The following AKAP17A variants were observed in gnomAD, a reference collection of about 807,000 sequenced individuals.
AKAP17A encodes the protein A-kinase anchor protein 17A.
Under a neutral mutation model 52.2 loss-of-function variants are expected in AKAP17A, and 15 were observed. The observed-to-expected ratio is 0.29, with a 90% CI of 0.19 to 0.44. AKAP17A has a LOEUF of 0.44. Ranked by LOEUF, AKAP17A falls within the 20% of genes least tolerant of loss-of-function variation. AKAP17A has a pLI of 1.00. For synonymous variants in AKAP17A, 514 were observed against 424.7 expected (o/e 1.21, Z -2.58); for missense variants, 1,060 against 1,007.0 (o/e 1.05, Z -0.71).
intron 3 of AKAP17A, among the ~76,000 whole-genome samples, chrX:1,596,156 T>C (rs1404105657): frequency 6.6e-6 from 1 of 150,982 alleles, no homozygotes; most frequent in African/African-American, 2.4e-5. Context: ...CTTGGCTGTT[T>C]GCAAGTTTGC....
At chrX:1,595,860 G>A (rs1296860850) in intron 3 of AKAP17A, among the ~76,000 whole-genome samples, 1 of 152,016 alleles carries the variant, frequency 6.6e-6, no homozygotes, top group Non-Finnish European at 1.5e-5. Context: ...TCGGCACATA[G>A]CACACATGTG....
At chrX:1,597,879 G>A (rs1409634082) in intron 3 of AKAP17A, among the ~76,000 whole-genome samples, 6 of 152,018 alleles carry the variant, frequency 3.9e-5, no homozygotes, top group African/African-American at 7.2e-5. Context: ...CCAGAGCCCC[G>A]GGGAGGGGCA....
intron 4 of AKAP17A, 35 bp downstream of exon 4, chrX:1,599,467 G>A (rs58902273): frequency 0.5 from 775,851 of 1,551,408 alleles, 196,140 homozygotes; most frequent in Middle Eastern, 0.63. Flanking sequence ...CGCCAGCCGC[G>A]CCCGGGCTGC....
rs183398557 is a variant in AKAP17A, at chrX:1,593,329, G to A, written c.-19-115G>A. ...GGAAACCGGTCTCTGACACGGCAGA[G>A]AGACACTGCTGTTTCTCTTCTCCGG... On this transcript the variant is annotated intron_variant, in intron 1 of 4. Coordinates refer to ENST00000313871, the MANE Select transcript of AKAP17A (RefSeq NM_005088.3). The A allele has an allele frequency of 1.7e-4, 177 of 1,016,730 alleles. 1 individual carries two copies. The African/African-American group carries it at 2.3e-3, about 13-fold the overall frequency. 63.0% of individuals were successfully genotyped at this position (1,016,730 alleles called of 1,614,324 possible).
At position 1,594,610 on chromosome X, in the gene AKAP17A, T is replaced by C. The variant is rs781594083; in HGVS notation, c.762+386T>C. On this transcript the variant is annotated intron_variant, in intron 2 of 4. Transcript: ENST00000313871. ...GCCTCATGTGCTTTTTTATTTTTTT[T>C]ATTTTTTTTATTTTTATTTTTTTTT... Among the ~76,000 whole-genome samples the C allele has an allele frequency of 9.2e-5, 14 of 152,142 alleles. No individual in the cohort carries two copies. The South Asian group carries it at 2.9e-3, about 32-fold the overall frequency.
chrX:1,599,103 G>C (rs1356203909), intron 3 of AKAP17A, 89 bp from the exon 4 acceptor site: 70 of 1,549,492 alleles, frequency 4.5e-5, no homozygotes, highest in Non-Finnish European at 5.6e-5. Context: ...ACCGTGGCCT[G>C]TTCCGCCGTG....
In AKAP17A at chrX:1,600,930, C is replaced by T. The variant is rs1454939797; in HGVS notation, c.1424C>T (p.Ser475Leu). 5.7e-6 allele frequency: 9 copies of T among 1,576,480 alleles called. No individual in the cohort carries two copies. The highest frequency in any genetic ancestry group is 3.7e-5 in the Admixed American group (2 of 54,296). Residue 475 changes from serine (S) to leucine (L), a missense_variant, in exon 5 of 5, where the codon TCG becomes TTG. By Grantham distance (145) the Ser-to-Leu change is moderately radical. Transcript: ENST00000313871. ...QPVLDILQTV[S>L]SGCVSATTLH... ...GTCCTGGACATCCTGCAGACCGTGTCGTCCGGCTGTGTGAGCGCCACCACG... is the reference window on the plus strand; with the variant it reads ...GTCCTGGACATCCTGCAGACCGTGTTGTCCGGCTGTGTGAGCGCCACCACG...
In AKAP17A at chrX:1,600,383, G is replaced by T. The variant is rs766822790; in HGVS notation, c.1153-276G>T. On this transcript the variant is annotated intron_variant, in intron 4 of 4. Transcript: ENST00000313871. ...CGGCAGGGCTCGGCTCTGCCCAAGA[G>T]GCCCGCCCTGGGGCTGCGCCGAGCC... 73 of 621,834 alleles carry T rather than the reference G, an allele frequency of 1.2e-4. 1 individual carries two copies. In the East Asian group the frequency reaches 2.1e-3, roughly 18 times the overall value. The allele number at this position is 621,834 out of a possible 1,614,324, so 38.5% of individuals were successfully genotyped here.
rs188716459 is a variant in AKAP17A at position 1,593,978 on chromosome X, C to A, written c.516C>A (p.Asp172Glu). The A allele has an allele frequency of 6.2e-7, 1 of 1,601,128 alleles. No individual in the cohort carries two copies. Among genetic ancestry groups the A allele is most frequent in the East Asian group, 2.2e-5 (1 of 44,730 alleles). ...KESGSEKPSE[D>E]VLVKVFEKFG... ...CGGGCTCCGAGAAGCCCAGCGAGGA[C>A]GTCCTGGTCAAGGTGTTTGAGAAGT... Residue 172 changes from aspartate (D) to glutamate (E), a missense_variant, in exon 2 of 5, where the codon GAC (aspartate) becomes GAA (glutamate). Asp to Glu is a conservative substitution (Grantham distance 45). Transcript: ENST00000313871.
intron 3 of AKAP17A, among the ~76,000 whole-genome samples, chrX:1,597,411 G>C (rs1603460167): frequency 6.6e-6 from 1 of 152,206 alleles, no homozygotes; most frequent in Admixed American, 6.5e-5. Flanking sequence ...GACGCCCTGG[G>C]AGGGAGGGAC....
chrX:1,593,759 G>A lies in AKAP17A; in HGVS notation c.297G>A (p.Lys99=). ...VKSFLACLDG[K]TIKLSGFSDI... ...CTTTTCTGGCCTGCCTGGACGGCAA[G>A]ACCATCAAGCTCAGCGGCTTCTCCG... Residue 99 remains lysine, a synonymous_variant, in exon 2 of 5, where the codon AAG becomes AAA. Coordinates refer to ENST00000313871, the MANE Select transcript of AKAP17A (RefSeq NM_005088.3). 4.3e-6 allele frequency: 7 copies of A among 1,613,956 alleles called. No homozygotes were observed. Among genetic ancestry groups the A allele is most frequent in the Non-Finnish European group, 5.9e-6 (7 of 1,179,872 alleles).
intron 4 of AKAP17A, chrX:1,600,350 G>A: frequency 1.5e-6 from 1 of 661,144 alleles, no homozygotes; most frequent in South Asian, 1.8e-5. Flanking sequence ...GCAACGTGGT[G>A]GGGCTCCCGG....
At chrX:1,595,770 T>G (rs1221262346) in intron 3 of AKAP17A, among the ~76,000 whole-genome samples, 1 of 152,016 alleles carries the variant, frequency 6.6e-6, no homozygotes, top group African/African-American at 2.4e-5. Context: ...CGTGTGCCTG[T>G]GTGTGCGTGC....
chrX:1,592,567 C>G (rs1378488444), intron 1 of AKAP17A, among the ~76,000 whole-genome samples: 1 of 152,102 alleles, frequency 6.6e-6, no homozygotes, highest in Non-Finnish European at 1.5e-5. Context: ...CGCTTCTCCA[C>G]CCTCCCTCCC....
Position 1,594,009 on chromosome X carries a change from G to A in AKAP17A, c.547G>A (p.Glu183Lys). 1 of 1,605,708 alleles carries A rather than the reference G, an allele frequency of 6.2e-7. No individual in the cohort carries two copies. Among genetic ancestry groups the A allele is most frequent in the Non-Finnish European group, 8.5e-7 (1 of 1,175,214 alleles). Reference sequence around the variant, plus strand: ...GGTCAAGGTGTTTGAGAAGTTCGGGGAGATCCGGAATGTGGACATCCCCAT... The same window carrying A: ...GGTCAAGGTGTTTGAGAAGTTCGGGAAGATCCGGAATGTGGACATCCCCAT... ...VLVKVFEKFG[E>K]IRNVDIPMLD... The change falls in exon 2 of 5, where the codon GAG (glutamate) becomes AAG (lysine). Residue 183 changes from glutamate to lysine, a missense_variant. By Grantham distance (56) the Glu-to-Lys change is moderately conservative (BLOSUM62 1). This residue lies in a region of AKAP17A where 267 missense variants were observed against 377.1 expected (regional missense o/e 0.71). Coordinates refer to ENST00000313871, the MANE Select transcript of AKAP17A (RefSeq NM_005088.3).
At position 1,596,773 on chromosome X, in the gene AKAP17A, TCC is replaced by T. The variant is rs1378197397; in HGVS notation, c.911+1242_911+1243del. ...TAGTGAGGTGGATTCCTCCTCCTCC[TCC>T]TCTTCCTCCTCCATCCCTCCCGCTG... On this transcript the variant is annotated intron_variant, in intron 3 of 4. Transcript: ENST00000313871. 1.0e-4 allele frequency among the ~76,000 whole-genome samples: 8 copies of T among 76,396 alleles called. 2 individuals carry two copies. Among genetic ancestry groups the T allele is most frequent in the African/African-American group, 1.8e-4 (3 of 16,780 alleles). The allele number at this position is 76,396 out of a possible 152,430, so 50.1% of individuals were successfully genotyped here. A position where few individuals can be genotyped will look rare whatever the true frequency, so the allele number is the denominator to read the frequency against.
chrX:1,600,527 G>A, intron 4 of AKAP17A, 132 bp from the exon 5 acceptor site: 1 of 959,720 alleles, frequency 1.0e-6, no homozygotes, highest in Non-Finnish European at 1.5e-6. Flanking sequence ...CCACCCCTGG[G>A]CTGGAGTCCA....
chrX:1,595,085 G>A (rs189709456), intron 2 of AKAP17A, among the ~76,000 whole-genome samples: 83 of 152,316 alleles, frequency 5.4e-4, no homozygotes, highest in African/African-American at 2.0e-3. Flanking sequence ...GCTGTGTCTC[G>A]CAGCGGTGGC....
intron 4 of AKAP17A, 126 bp from the exon 5 acceptor site, chrX:1,600,533 G>A: frequency 9.9e-7 from 1 of 1,005,166 alleles, no homozygotes; most frequent in Non-Finnish European, 1.4e-6. Flanking sequence ...CTGGGCTGGA[G>A]TCCAGCCAGG....
Sources: gnomAD v4.1 joint callset for allele counts (sites outside exome capture counted in the v4.1 genomes callset) on GRCh38, gnomAD v4.1.1 for gene constraint, gnomAD v4.1.1 regional missense constraint, MANE v1.5 for transcripts, NCBI Gene and HGNC (gene_info 2026-07-23, HGNC 2026-07-21) for gene names.